Variants in SLC44A5 observed in about 807,000 individuals in gnomAD.
SLC44A5 encodes the protein choline transporter-like protein 5.
In SLC44A5, 57 loss-of-function variants were observed where a neutral mutation model predicts 101.8. The ratio of observed to expected loss-of-function variants is 0.56; its 90% CI spans 0.45 to 0.70. The LOEUF (loss-of-function observed/expected upper bound fraction) is 0.70, where lower values mean the gene tolerates loss of function less well. Ranked by LOEUF, SLC44A5 falls within the 30% of genes least tolerant of loss-of-function variation. SLC44A5 has a pLI of 0.00. For synonymous variants in SLC44A5, 281 were observed against 290.9 expected (o/e 0.97, Z 0.35); for missense variants, 737 against 853.1 (o/e 0.86, Z 1.70).
chr1:75,699,265 T>A, the SLC44A5 span, among the ~76,000 whole-genome samples: 1 of 152,108 alleles, frequency 6.6e-6, no homozygotes, highest in Non-Finnish European at 1.5e-5. Flanking sequence ...AAGGTCGGGT[T>A]ACCCTCAAAG....
chr1:75,218,738 A>T lies in SLC44A5; in HGVS notation c.1281T>A (p.Thr427=). The T allele has an allele frequency of 6.2e-7, 1 of 1,611,138 alleles. No individual in the cohort carries two copies. Among genetic ancestry groups the T allele is most frequent in the Non-Finnish European group, 8.5e-7 (1 of 1,178,826 alleles). ...CCCCAGGGCAAGCTTTGGCAATTTCAGTTGTATTAAAAATCTGCATTGAGA... is the reference window on the plus strand; with the variant it reads ...CCCCAGGGCAAGCTTTGGCAATTTCTGTTGTATTAAAAATCTGCATTGAGA... ...QTCDPEIFNT[T]EIAKACPGAL... Residue 427 remains threonine (T), a synonymous_variant, in exon 17 of 24, where the codon ACT becomes ACA. Transcript: ENST00000370859.
At chr1:75,528,480 C>G (rs1670545502) in intron 2 of SLC44A5, among the ~76,000 whole-genome samples, 1 of 152,102 alleles carries the variant, frequency 6.6e-6, no homozygotes, top group Non-Finnish European at 1.5e-5. Context: ...GTCTAGTGCA[C>G]CAAACACAAA....
chr1:75,213,872 G>C lies in SLC44A5; in HGVS notation c.1873+47C>G, dbSNP rs115045510. 7.9e-6 allele frequency: 12 copies of C among 1,521,012 alleles called. No individual in the cohort carries two copies. In the East Asian group the frequency reaches 2.5e-4, roughly 31 times the overall value. The allele number at this position is 1,521,012 out of a possible 1,614,324, so 94.2% of individuals were successfully genotyped here. A position where few individuals can be genotyped will look rare whatever the true frequency, so the allele number is the denominator to read the frequency against. On this transcript the variant is annotated intron_variant, in intron 21 of 23. Transcript: ENST00000370859. ...TTTTGTAGTAAAGCAGTTTTTCCAA[G>C]CATCTTTTAAACTTTTTTTTTTATT...
intron 2 of SLC44A5, among the ~76,000 whole-genome samples, chr1:75,433,127 C>G (rs914804141): frequency 6.6e-6 from 1 of 152,128 alleles, no homozygotes; most frequent in African/African-American, 2.4e-5. Flanking sequence ...GATTTCTCCT[C>G]TATATAACTA....
At chr1:75,371,181 C>G (rs1019790996) in intron 3 of SLC44A5, among the ~76,000 whole-genome samples, 1 of 152,116 alleles carries the variant, frequency 6.6e-6, no homozygotes. Flanking sequence ...ATACATTCAC[C>G]CCATTTGCGA....
At chr1:75,307,284 T>A (rs1176078846) in intron 4 of SLC44A5, among the ~76,000 whole-genome samples, 1 of 152,186 alleles carries the variant, frequency 6.6e-6, no homozygotes, top group African/African-American at 2.4e-5. Flanking sequence ...GCTGCATTTA[T>A]AACCCAAAGT....
chr1:75,702,644 C>A, the SLC44A5 span, among the ~76,000 whole-genome samples: 1 of 152,070 alleles, frequency 6.6e-6, no homozygotes, highest in African/African-American at 2.4e-5. Context: ...GCAACAAAAG[C>A]CAAAATTGAC....
chr1:75,403,187 C>A (rs1007707076), intron 2 of SLC44A5, among the ~76,000 whole-genome samples: 1 of 152,208 alleles, frequency 6.6e-6, no homozygotes, highest in Non-Finnish European at 1.5e-5. Context: ...AGAAAGGCAG[C>A]AGCCCCAGTC....
At chr1:75,711,647 G>C in the SLC44A5 span, among the ~76,000 whole-genome samples, 1 of 152,094 alleles carries the variant, frequency 6.6e-6, no homozygotes, top group East Asian at 1.9e-4. Context: ...TATCTTATGT[G>C]CAGGAAAAGT....
At chr1:75,234,229 T>C (rs1170120562) in intron 11 of SLC44A5, 131 bp from the exon 12 acceptor site, 1 of 668,792 alleles carries the variant, frequency 1.5e-6, no homozygotes, top group Non-Finnish European at 2.7e-6. Flanking sequence ...TATAGAAACA[T>C]TAATAATGTT....
intron 3 of SLC44A5, among the ~76,000 whole-genome samples, chr1:75,356,535 G>A (rs973106457): frequency 6.6e-6 from 1 of 151,906 alleles, no homozygotes; most frequent in Non-Finnish European, 1.5e-5. Flanking sequence ...AAGCTTAAAT[G>A]ATTTAAATTT....
At chr1:75,639,259 T>A in the SLC44A5 span, among the ~76,000 whole-genome samples, 1 of 152,084 alleles carries the variant, frequency 6.6e-6, no homozygotes, top group Non-Finnish European at 1.5e-5. Flanking sequence ...ATCAGCTAGA[T>A]TAGGTGAATC....
chr1:75,389,768 A>G (rs1489544020), intron 3 of SLC44A5, among the ~76,000 whole-genome samples: 2 of 152,146 alleles, frequency 1.3e-5, no homozygotes, highest in Non-Finnish European at 2.9e-5. Context: ...AAAAACAAGA[A>G]CAAACTAATC....
At chr1:75,421,062 CT>C (rs370826976) in intron 2 of SLC44A5, among the ~76,000 whole-genome samples, 17 of 152,140 alleles carry the variant, frequency 1.1e-4, no homozygotes, top group African/African-American at 4.1e-4. Flanking sequence ...ATAGTTGTGT[CT>C]TTCTCACAGG....
At chr1:75,403,835 G>A (rs148534673) in intron 2 of SLC44A5, among the ~76,000 whole-genome samples, 11 of 152,142 alleles carry the variant, frequency 7.2e-5, no homozygotes, top group African/African-American at 2.6e-4. Context: ...AACAAAACTG[G>A]ACAGAGAATG....
chr1:75,271,497 T>TTGTGTGTGTG (rs4035634), intron 6 of SLC44A5, among the ~76,000 whole-genome samples: 8,112 of 146,314 alleles, frequency 0.055, 344 homozygotes, highest in African/African-American at 0.11. Context: ...TCTGCATGTT[T>TTGTGTGTGTG]TGTGTGTGTG....
intron 1 of SLC44A5, among the ~76,000 whole-genome samples, chr1:75,575,363 T>C (rs923621152): frequency 1.3e-5 from 2 of 152,190 alleles, no homozygotes; most frequent in Non-Finnish European, 2.9e-5. Context: ...CATTTTATAA[T>C]GTACTTATTC....
chr1:75,684,192 T>G, the SLC44A5 span, among the ~76,000 whole-genome samples: 2 of 152,156 alleles, frequency 1.3e-5, no homozygotes, highest in Non-Finnish European at 2.9e-5. Flanking sequence ...TGGGGGAAAC[T>G]GCCCATGTGA....
the SLC44A5 span, among the ~76,000 whole-genome samples, chr1:75,716,012 A>G: frequency 1.8e-3 from 277 of 152,362 alleles, 1 homozygote; most frequent in African/African-American, 6.4e-3. Context: ...ACATGAACAG[A>G]TACTTTTGAA....
Sources: gnomAD v4.1 joint callset for allele counts (sites outside exome capture counted in the v4.1 genomes callset) on GRCh38, gnomAD v4.1.1 for gene constraint, MANE v1.5 for transcripts, NCBI Gene and HGNC (gene_info 2026-07-23, HGNC 2026-07-21) for gene names.